LEF1: variants seen among roughly 807,000 people sequenced by gnomAD.
LEF1 encodes lymphoid enhancer-binding factor 1.
LEF1 carries 14 observed loss-of-function variants against 51.2 expected under a neutral mutation model. That is an observed-to-expected ratio of 0.27 (90% confidence interval 0.18 to 0.43). LEF1 has a LOEUF of 0.43. Ranked by LOEUF, LEF1 falls within the 20% of genes least tolerant of loss-of-function variation. The pLI is 1.00. For synonymous variants in LEF1, 185 were observed against 183.2 expected, an observed-to-expected ratio of 1.01 and a Z score of -0.08; for missense variants, 386 against 512.0, an observed-to-expected ratio of 0.75 and a Z score of 2.37.
intron 3 of LEF1, among the ~76,000 whole-genome samples, chr4:108,153,780 A>G (rs1182483185): frequency 6.6e-6 from 1 of 152,248 alleles, no homozygotes; most frequent in African/African-American, 2.4e-5. Flanking sequence ...ATGTCTACCA[A>G]TAAAATACTG....
chr4:108,115,190 T>G (rs969257676), intron 3 of LEF1, among the ~76,000 whole-genome samples: 1 of 152,240 alleles, frequency 6.6e-6, no homozygotes, highest in African/African-American at 2.4e-5. Flanking sequence ...TATCCAAATT[T>G]ATATATTGGA....
chr4:108,086,479 T>G (rs1739653037), intron 4 of LEF1, among the ~76,000 whole-genome samples: 1 of 152,188 alleles, frequency 6.6e-6, no homozygotes, highest in African/African-American at 2.4e-5. Context: ...ATTTTTAAAC[T>G]TGTATAGGTA....
At chr4:108,087,884 C>T (rs1299113644) in intron 4 of LEF1, among the ~76,000 whole-genome samples, 1 of 152,166 alleles carries the variant, frequency 6.6e-6, no homozygotes, top group East Asian at 1.9e-4. Flanking sequence ...CCTGAGACCC[C>T]TATCTTAATT....
intron 3 of LEF1, among the ~76,000 whole-genome samples, chr4:108,118,182 C>A (rs1578363898): frequency 6.6e-6 from 1 of 152,300 alleles, no homozygotes; most frequent in East Asian, 1.9e-4. Context: ...AAGCATACCA[C>A]AAGAACAAAT....
At chr4:108,165,291 T>A in intron 1 of LEF1, 128 bp from the exon 2 acceptor site, 1 of 796,566 alleles carries the variant, frequency 1.3e-6, no homozygotes, top group South Asian at 1.5e-5. Flanking sequence ...TTTTATACTC[T>A]GAGAGACATA....
chr4:108,143,697 T>C (rs1183612192), intron 3 of LEF1, among the ~76,000 whole-genome samples: 2 of 151,990 alleles, frequency 1.3e-5, no homozygotes, highest in Admixed American at 6.6e-5. Flanking sequence ...CAGAGAAACC[T>C]GTACTTAGAA....
At chr4:108,080,180 G>T in intron 6 of LEF1, among the ~76,000 whole-genome samples, 1 of 152,178 alleles carries the variant, frequency 6.6e-6, no homozygotes, top group Admixed American at 6.5e-5. Context: ...TTAAAGGAAG[G>T]ATAAAGTTCT....
chr4:108,078,525 G>C lies in LEF1; in HGVS notation c.846-143C>G, dbSNP rs1173559374. The C allele has an allele frequency of 3.0e-6, 3 of 990,314 alleles. No homozygotes were observed. The African/African-American group carries it at 4.8e-5, about 16-fold the overall frequency. 61.3% of individuals were successfully genotyped at this position (990,314 alleles called of 1,614,324 possible). On this transcript the variant is annotated intron_variant, in intron 7 of 11. Coordinates refer to ENST00000265165, the MANE Select transcript of LEF1 (RefSeq NM_016269.5). ...CTCACCCCAGACCACCACCAACTTG[G>C]AAGAGCAGTTATTGACTCATTTGAC...
At chr4:108,123,168 A>G (rs1742283055) in intron 3 of LEF1, among the ~76,000 whole-genome samples, 1 of 152,130 alleles carries the variant, frequency 6.6e-6, no homozygotes. Context: ...TATGCTGTGG[A>G]GCATTACAAA....
intron 9 of LEF1, among the ~76,000 whole-genome samples, chr4:108,069,140 C>G (rs1233187385): frequency 2.6e-5 from 4 of 152,130 alleles, no homozygotes; most frequent in Non-Finnish European, 4.4e-5. Context: ...TTCTACCTTG[C>G]AAAGATACAG....
intron 8 of LEF1, chr4:108,072,232 T>C (rs1738523200): frequency 1.3e-5 from 1 of 79,480 alleles, no homozygotes; most frequent in Admixed American, 1.4e-4. Flanking sequence ...TGAGAGAGGT[T>C]GATGAGAGAG....
At chr4:108,086,327 C>T (rs1308837176) in intron 4 of LEF1, among the ~76,000 whole-genome samples, 3 of 152,078 alleles carry the variant, frequency 2.0e-5, no homozygotes, top group Non-Finnish European at 4.4e-5. Context: ...TGGCCTCAAG[C>T]GATCCTTGCG....
intron 3 of LEF1, among the ~76,000 whole-genome samples, chr4:108,090,331 C>A (rs774349429): frequency 6.6e-6 from 1 of 152,096 alleles, no homozygotes; most frequent in East Asian, 1.9e-4. Flanking sequence ...TTTTAACACA[C>A]TTTATATGTC....
chr4:108,054,457 C>T (rs1737196716), intron 11 of LEF1, among the ~76,000 whole-genome samples: 1 of 152,232 alleles, frequency 6.6e-6, no homozygotes, highest in Non-Finnish European at 1.5e-5. Context: ...TTTTCTCATC[C>T]TTCAGACAGA....
At chr4:108,137,754 T>C (rs1207770934) in intron 3 of LEF1, among the ~76,000 whole-genome samples, 1 of 152,196 alleles carries the variant, frequency 6.6e-6, no homozygotes, top group Non-Finnish European at 1.5e-5. Flanking sequence ...TTGAATATGG[T>C]TTTCCTGTTA....
intron 3 of LEF1, among the ~76,000 whole-genome samples, chr4:108,144,727 C>T (rs757130834): frequency 2.6e-5 from 4 of 151,986 alleles, no homozygotes; most frequent in Non-Finnish European, 5.9e-5. Context: ...CCATGAAGCA[C>T]GACCTCAAAT....
In LEF1 at chr4:108,063,607, A is replaced by G. The variant is rs1243925613; in HGVS notation, c.*6+16T>C. On this transcript the variant is annotated intron_variant, in intron 11 of 11. Coordinates refer to ENST00000265165, the MANE Select transcript of LEF1 (RefSeq NM_016269.5). ...AACAACTAACGTCAGCAGTAGGACC[A>G]GAGAGTCGTTCTTACCATGTTTCAG... The G allele has an allele frequency of 1.3e-6, 2 of 1,586,344 alleles. No individual in the cohort carries two copies. Among genetic ancestry groups the G allele is most frequent in the Admixed American group, 1.9e-5 (1 of 53,978 alleles).
At chr4:108,112,478 C>T (rs557872604) in intron 3 of LEF1, among the ~76,000 whole-genome samples, 34 of 152,322 alleles carry the variant, frequency 2.2e-4, no homozygotes, top group Admixed American at 2.6e-4. Flanking sequence ...AAGAGGATGA[C>T]GCCTGAAGCC....
At chr4:108,157,120 G>A (rs1250234248) in intron 3 of LEF1, among the ~76,000 whole-genome samples, 1 of 149,400 alleles carries the variant, frequency 6.7e-6, no homozygotes, top group East Asian at 2.0e-4. Flanking sequence ...CTCCTTTTTA[G>A]AGACCCTAAC....
Sources: allele counts gnomAD v4.1 joint callset (sites outside exome capture counted in the v4.1 genomes callset), GRCh38; gene constraint gnomAD v4.1.1; transcripts MANE v1.5; gene names NCBI Gene and HGNC (gene_info 2026-07-23, HGNC 2026-07-21).